Variants in MIPOL1 observed in about 807,000 individuals in gnomAD.
MIPOL1 encodes the protein mirror-image polydactyly 1.
MIPOL1 carries 57 observed loss-of-function variants against 60.9 expected under a neutral mutation model. The observed-to-expected ratio is 0.94, with a 90% CI of 0.76 to 1.17. The LOEUF is 1.17. Among genes scored for constraint, MIPOL1 ranks in the 50% most tolerant of loss-of-function variants. The probability of loss-of-function intolerance (pLI) is 0.00; values close to 1 mark genes in which losing one functional copy is unlikely to be tolerated. For synonymous variants in MIPOL1, 179 were observed against 168.8 expected (o/e 1.06, Z -0.47); for missense variants, 551 against 511.6 (o/e 1.08, Z -0.74).
chr14:37,510,359 C>T (rs1478389644), intron 12 of MIPOL1, among the ~76,000 whole-genome samples: 1 of 152,018 alleles, frequency 6.6e-6, no homozygotes, highest in East Asian at 1.9e-4. Flanking sequence ...GGACTACAGG[C>T]ATGCGTCACC....
chr14:37,267,021 G>A lies in MIPOL1; in HGVS notation c.103G>A (p.Glu35Lys). 2 of 1,613,910 alleles carry A rather than the reference G, an allele frequency of 1.2e-6. No homozygotes were observed. Among genetic ancestry groups the A allele is most frequent in the Admixed American group, 1.7e-5 (1 of 59,994 alleles). Residue 35 changes from glutamate to lysine, a missense_variant, in exon 4 of 13, where the codon GAG (glutamate) becomes AAG (lysine). Coordinates refer to ENST00000684589, the MANE Select transcript of MIPOL1 (RefSeq NM_001388067.1). ...AGATGAGCAACTGACTATGAATTCT[G>A]AGAAAAGTATGCATCGGAAATCCAC... Reference protein sequence around the residue: ...QPDEQLTMNSEKSMHRKSTEL... With the variant: ...QPDEQLTMNSKKSMHRKSTEL...
At chr14:37,289,276 A>G (rs2084851391) in intron 7 of MIPOL1, among the ~76,000 whole-genome samples, 2 of 152,178 alleles carry the variant, frequency 1.3e-5, no homozygotes, top group African/African-American at 4.8e-5. Flanking sequence ...CACACCAAGC[A>G]AGTAATCAGT....
chr14:37,534,078 CAAA>C (rs564604002), intron 12 of MIPOL1, among the ~76,000 whole-genome samples: 2 of 69,428 alleles, frequency 2.9e-5, no homozygotes. Flanking sequence ...GACTCCATCT[CAAA>C]AAAAAAAAAA....
At chr14:37,442,088 TTGTGTGTGTGTG>T (rs3985271) in intron 11 of MIPOL1, among the ~76,000 whole-genome samples, 28 of 143,814 alleles carry the variant, frequency 1.9e-4, no homozygotes, top group East Asian at 6.3e-4. Context: ...TTCTACTTTG[TTGTGTGTGTGTG>T]TGTGTGTGTG....
chr14:37,475,560 T>G (rs532938948), intron 11 of MIPOL1, among the ~76,000 whole-genome samples: 1 of 152,220 alleles, frequency 6.6e-6, no homozygotes, highest in Non-Finnish European at 1.5e-5. Context: ...TTTGTTTTGC[T>G]GTTATAGTCC....
In MIPOL1 at chr14:37,475,855, TG is replaced by T. The variant is rs530662310; in HGVS notation, c.1032-24052del. ...TATAGTAAGTCTTGAAGTTAGGTGG[TG>T]TCAGTCCTCCAATATTGTTCTCCTT... On this transcript the variant is annotated intron_variant, in intron 11 of 12. Transcript: ENST00000684589. 3.3e-4 allele frequency among the ~76,000 whole-genome samples: 50 copies of T among 152,328 alleles called. 1 individual carries two copies. Among genetic ancestry groups the T allele is most frequent in the African/African-American group, 1.2e-3 (50 of 41,580 alleles).
At chr14:37,432,057 C>T (rs573446663) in intron 11 of MIPOL1, among the ~76,000 whole-genome samples, 1 of 152,236 alleles carries the variant, frequency 6.6e-6, no homozygotes, top group Non-Finnish European at 1.5e-5. Context: ...ATGGACACAC[C>T]CAACAATTTC....
intron 9 of MIPOL1, among the ~76,000 whole-genome samples, chr14:37,325,680 T>C (rs551105940): frequency 1.8e-4 from 28 of 152,104 alleles, no homozygotes; most frequent in Non-Finnish European, 3.5e-4. Flanking sequence ...TTCATTTTAC[T>C]CTCATTTTTG....
At chr14:37,370,864 T>G (rs2092619876) in intron 10 of MIPOL1, among the ~76,000 whole-genome samples, 1 of 152,176 alleles carries the variant, frequency 6.6e-6, no homozygotes, top group Non-Finnish European at 1.5e-5. Context: ...AATGTATACT[T>G]GCAAAATAGA....
Position 37,489,316 on chromosome 14 carries a change from T to C in MIPOL1, c.1032-10592T>C, listed in dbSNP as rs1423638354. ...AGCTTCATCAGGTCATTTATGTTCTTCTCTAAACTGGTTATTCTAGTTAGC... is the reference window on the plus strand; with the variant it reads ...AGCTTCATCAGGTCATTTATGTTCTCCTCTAAACTGGTTATTCTAGTTAGC... On this transcript the variant is annotated intron_variant, in intron 11 of 12. Transcript: ENST00000684589. Among the ~76,000 whole-genome samples, 3 of 152,288 alleles carry C rather than the reference T, an allele frequency of 2.0e-5. No individual in the cohort carries two copies. The East Asian group carries it at 5.8e-4, about 30-fold the overall frequency.
chr14:37,408,862 G>T (rs2093636101), intron 10 of MIPOL1, among the ~76,000 whole-genome samples: 1 of 152,118 alleles, frequency 6.6e-6, no homozygotes, highest in Non-Finnish European at 1.5e-5. Context: ...CAGCATTGCT[G>T]GTTTCACAAA....
intron 11 of MIPOL1, among the ~76,000 whole-genome samples, chr14:37,493,409 C>T (rs1446648623): frequency 6.6e-6 from 1 of 151,956 alleles, no homozygotes; most frequent in African/African-American, 2.4e-5. Flanking sequence ...ATAGTCAGGG[C>T]CACAGACATA....
intron 7 of MIPOL1, among the ~76,000 whole-genome samples, chr14:37,285,833 C>T (rs2153411051): frequency 6.6e-6 from 1 of 152,150 alleles, no homozygotes; most frequent in Non-Finnish European, 1.5e-5. Flanking sequence ...ACCTTGTGAT[C>T]TGCCCACCTT....
intron 12 of MIPOL1, chr14:37,504,609 G>T: frequency 6.6e-6 from 1 of 152,196 alleles, no homozygotes; most frequent in Non-Finnish European, 1.5e-5. Context: ...TTAAAGCAGT[G>T]TTAAGAGGGA....
intron 10 of MIPOL1, among the ~76,000 whole-genome samples, chr14:37,396,513 T>C (rs893124527): frequency 1.1e-4 from 16 of 152,174 alleles, no homozygotes; most frequent in African/African-American, 3.6e-4. Context: ...TATTTGGATG[T>C]GTAGGTCTCT....
intron 9 of MIPOL1, among the ~76,000 whole-genome samples, chr14:37,343,451 C>T (rs922947336): frequency 6.6e-6 from 1 of 152,262 alleles, no homozygotes; most frequent in East Asian, 1.9e-4. Flanking sequence ...GTTCAGTGTA[C>T]ATAATTCACA....
At chr14:37,372,496 G>C (rs1175867395) in intron 10 of MIPOL1, among the ~76,000 whole-genome samples, 10 of 152,072 alleles carry the variant, frequency 6.6e-5, no homozygotes. Context: ...GTTCACACCT[G>C]TAATCCCAGC....
At chr14:37,542,737 A>T (rs1403330294) in intron 12 of MIPOL1, among the ~76,000 whole-genome samples, 1 of 152,094 alleles carries the variant, frequency 6.6e-6, no homozygotes, top group African/African-American at 2.4e-5. Flanking sequence ...AACTTACTGG[A>T]GTTATCCATA....
At chr14:37,261,944 TA>T (rs2082541251) in intron 3 of MIPOL1, among the ~76,000 whole-genome samples, 1 of 152,076 alleles carries the variant, frequency 6.6e-6, no homozygotes, top group African/African-American at 2.4e-5. Flanking sequence ...ATCAGTGGTG[TA>T]GTGGTTAGAA....
Sources: allele counts gnomAD v4.1 joint callset (sites outside exome capture counted in the v4.1 genomes callset), GRCh38; gene constraint gnomAD v4.1.1; transcripts MANE v1.5; gene names NCBI Gene and HGNC (gene_info 2026-07-23, HGNC 2026-07-21).